The following PCDHA4 variants were observed in gnomAD, a reference collection of about 807,000 sequenced individuals.
PCDHA4 encodes protocadherin alpha 4.
In PCDHA4, 49 loss-of-function variants were observed where a neutral mutation model predicts 61.4. The observed-to-expected ratio is 0.80, with a 90% confidence interval of 0.63 to 1.01. The LOEUF (loss-of-function observed/expected upper bound fraction) is 1.01, where lower values mean the gene tolerates loss of function less well. Ranked by LOEUF, PCDHA4 falls within the 50% of genes least tolerant of loss-of-function variation. The pLI is 0.00. For missense variants in PCDHA4, 1,254 were observed against 1,235.8 expected, an observed-to-expected ratio of 1.01 and a Z score of -0.22; for synonymous variants, 590 against 550.3, an observed-to-expected ratio of 1.07 and a Z score of -1.01.
chr5:140,997,921 G>T lies in PCDHA4; in HGVS notation c.2534-11706G>T, dbSNP rs553205382. On this transcript the variant is annotated intron_variant, in intron 3 of 3. Coordinates refer to ENST00000530339, the MANE Select transcript of PCDHA4 (RefSeq NM_018907.4). ...CAAGAAGTAGAATTACAGAATCATA[G>T]GATATAAAAATATCAAATTGGCAAA... is the stretch of plus-strand genomic sequence containing the variant. Among the ~76,000 whole-genome samples the T allele has an allele frequency of 1.1e-4, 16 of 152,200 alleles. No homozygotes were observed. The South Asian group carries it at 3.3e-3, about 32-fold the overall frequency.
At chr5:140,866,711 G>A (rs1554160494) in intron 1 of PCDHA4, 1 of 152,110 alleles carries the variant, frequency 6.6e-6, no homozygotes, top group African/African-American at 2.4e-5. Flanking sequence ...ACGTGCACTA[G>A]TAAGACATTA....
At position 140,829,130 on chromosome 5, in the gene PCDHA4, G is replaced by T. The variant is rs2150162751; in HGVS notation, c.2385+19558G>T. 5 of 1,612,440 alleles carry T rather than the reference G, an allele frequency of 3.1e-6. No homozygotes were observed. The African/African-American group carries it at 6.7e-5, about 22-fold the overall frequency. On this transcript the variant is annotated intron_variant, in intron 1 of 3. Transcript: ENST00000530339. ...GAGAATTTTGGATAAAAATGATAAC[G>T]TCCCTGAGATAGCACTGACTTCCTT...
At chr5:141,000,417 A>ATTTTT (rs1563652061) in intron 3 of PCDHA4, among the ~76,000 whole-genome samples, 3 of 77,750 alleles carry the variant, frequency 3.9e-5, no homozygotes, top group Non-Finnish European at 7.0e-5. Flanking sequence ...ATATATATAT[A>ATTTTT]TATATTTTTT....
intron 1 of PCDHA4, chr5:140,863,734 C>A: frequency 3.9e-6 from 1 of 256,490 alleles, no homozygotes; most frequent in Non-Finnish European, 7.7e-6. Flanking sequence ...GTAGCTCATG[C>A]CTATTTGTAA....
At chr5:140,829,934 G>A (rs2150178196) in intron 1 of PCDHA4, 1 of 1,613,996 alleles carries the variant, frequency 6.2e-7, no homozygotes, top group East Asian at 2.2e-5. Context: ...GCAGCCCCCG[G>A]CAAGCAGCGC....
chr5:140,869,497 G>C, intron 1 of PCDHA4: 1 of 1,614,202 alleles, frequency 6.2e-7, no homozygotes, highest in South Asian at 1.1e-5. Context: ...CAACCCGCCG[G>C]TGTTCTCGCT....
chr5:140,844,834 C>T (rs1554140741), intron 1 of PCDHA4, among the ~76,000 whole-genome samples: 1 of 149,116 alleles, frequency 6.7e-6, no homozygotes, highest in Non-Finnish European at 1.5e-5. Context: ...TACACGTTTG[C>T]TTCTTGTGAC....
At chr5:140,946,044 A>G (rs1435633416) in intron 1 of PCDHA4, among the ~76,000 whole-genome samples, 1 of 152,160 alleles carries the variant, frequency 6.6e-6, no homozygotes, top group East Asian at 1.9e-4. Flanking sequence ...TGAAGGGACA[A>G]TCCACAGAAT....
chr5:140,813,095 G>A (rs1036186093), intron 1 of PCDHA4: 1 of 152,168 alleles, frequency 6.6e-6, no homozygotes, highest in African/African-American at 2.4e-5. Flanking sequence ...GAGTGTGCTT[G>A]AGAAGACTGT....
At position 140,848,413 on chromosome 5, in the gene PCDHA4, G is replaced by A. The variant is rs2150410118; in HGVS notation, c.2385+38841G>A. On this transcript the variant is annotated intron_variant, in intron 1 of 3. Transcript: ENST00000530339. The stretch of plus-strand genomic sequence containing the variant: ...TCTGTGCTGAACGATGGCGAACACA[G>A]CAGAATGGGACTGACGAAATCAGAT... 44 of 1,383,064 alleles carry A rather than the reference G, an allele frequency of 3.2e-5. 5 individuals are homozygous for A. Among genetic ancestry groups the A allele is most frequent in the Non-Finnish European group, 4.2e-5 (42 of 1,005,008 alleles). The allele number at this position is 1,383,064 out of a possible 1,614,324, so 85.7% of individuals were successfully genotyped here.
At chr5:140,877,276 G>A (rs1038142877) in intron 1 of PCDHA4, 5 of 1,613,744 alleles carry the variant, frequency 3.1e-6, no homozygotes, top group Admixed American at 1.7e-5. Context: ...CGCTGACTCC[G>A]GCTATAACGC....
At chr5:140,968,795 A>G in intron 1 of PCDHA4, 2 of 1,614,210 alleles carry the variant, frequency 1.2e-6, no homozygotes, top group Non-Finnish European at 1.7e-6. Context: ...TGTGGCCATT[A>G]CAGTAGCTGT....
chr5:140,814,632 A>G (rs1300426285), intron 1 of PCDHA4: 1 of 152,144 alleles, frequency 6.6e-6, no homozygotes, highest in Non-Finnish European at 1.5e-5. Context: ...TGGTAGTGCA[A>G]TAGGTTTGTT....
intron 1 of PCDHA4, chr5:140,856,495 T>C: frequency 6.3e-7 from 1 of 1,598,444 alleles, no homozygotes; most frequent in South Asian, 1.1e-5. Context: ...TGCTTGACTC[T>C]CGATTTCCAC....
intron 1 of PCDHA4, among the ~76,000 whole-genome samples, chr5:140,846,908 T>C (rs991688618): frequency 6.7e-6 from 1 of 149,590 alleles, no homozygotes; most frequent in Admixed American, 6.7e-5. Flanking sequence ...TGAAAGACAA[T>C]CATTTCCTAT....
Position 140,967,279 on chromosome 5 carries a change from T to G in PCDHA4, c.2386-11670T>G, listed in dbSNP as rs184476796. The G allele has an allele frequency of 7.8e-5, 126 of 1,613,002 alleles. 1 individual carries two copies. The East Asian group carries it at 2.6e-3, about 34-fold the overall frequency. On this transcript the variant is annotated intron_variant, in intron 1 of 3. Coordinates refer to ENST00000530339, the MANE Select transcript of PCDHA4 (RefSeq NM_018907.4). ...CTGGAGCGCGCTTTCACATAGAGAGTGCGCAGGACCCCGACGTGGGCGCCA... is the reference window on the plus strand; with the variant it reads ...CTGGAGCGCGCTTTCACATAGAGAGGGCGCAGGACCCCGACGTGGGCGCCA...
chr5:140,910,019 T>C (rs2074838579), intron 1 of PCDHA4, among the ~76,000 whole-genome samples: 1 of 152,222 alleles, frequency 6.6e-6, no homozygotes, highest in Non-Finnish European at 1.5e-5. Flanking sequence ...CATCCTTGTA[T>C]CCCTGGGATA....
chr5:140,911,849 T>C (rs536574096), intron 1 of PCDHA4, among the ~76,000 whole-genome samples: 4 of 152,314 alleles, frequency 2.6e-5, no homozygotes, highest in African/African-American at 9.6e-5. Flanking sequence ...AACTCCATCC[T>C]TAATAGTCTG....
intron 1 of PCDHA4, among the ~76,000 whole-genome samples, chr5:140,944,325 T>C (rs1179163685): frequency 1.3e-5 from 2 of 152,196 alleles, no homozygotes; most frequent in East Asian, 3.9e-4. Context: ...GTAGCTGGGA[T>C]TACAAGCACG....
Sources: gnomAD v4.1 joint callset for allele counts (sites outside exome capture counted in the v4.1 genomes callset) on GRCh38, gnomAD v4.1.1 for gene constraint, MANE v1.5 for transcripts, NCBI Gene and HGNC (gene_info 2026-07-23, HGNC 2026-07-21) for gene names.